Variants in LHX4 observed in about 807,000 individuals in gnomAD.
The protein encoded by LHX4 is LIM homeobox 4.
A neutral mutation model predicts 39.2 loss-of-function variants in LHX4; 16 were observed. That is an observed-to-expected ratio of 0.41 (90% CI 0.28 to 0.62). LHX4 has a LOEUF of 0.62. Among genes scored for constraint, LHX4 ranks in the 20% least tolerant of loss-of-function variants. The pLI is 0.33. For synonymous variants in LHX4, 206 were observed against 198.1 expected, an observed-to-expected ratio of 1.04 and a Z score of -0.33; for missense variants, 439 against 511.9, an observed-to-expected ratio of 0.86 and a Z score of 1.37.
At chr1:180,262,396 G>A (rs571103740) in intron 2 of LHX4, among the ~76,000 whole-genome samples, 4 of 151,510 alleles carry the variant, frequency 2.6e-5, no homozygotes, top group African/African-American at 7.3e-5. Context: ...CCTTTTCCCT[G>A]TCATGCTCAT....
At chr1:180,258,419 G>A (rs395603) in intron 2 of LHX4, among the ~76,000 whole-genome samples, 13,292 of 152,190 alleles carry the variant, frequency 0.087, 2,002 homozygotes, top group African/African-American at 0.3. Flanking sequence ...GGCCGTTAGG[G>A]AGCCTGTGGC....
rs928694238 is a variant in LHX4 at position 180,278,328 on chromosome 1, A to ACAT, written c.*3752_*3754dup. ...GCATGCTGAAAGCTAAATGAAAAGCACATCACTGGCTCTCTTCTTTCTTGG... is the reference window on the plus strand; with the variant it reads ...GCATGCTGAAAGCTAAATGAAAAGCACATCATCACTGGCTCTCTTCTTTCTTGG... On this transcript the variant is annotated 3_prime_UTR_variant, in exon 6 of 6. Coordinates refer to ENST00000263726, the MANE Select transcript of LHX4 (RefSeq NM_033343.4). The ACAT allele has an allele frequency of 2.7e-4, 26 of 96,302 alleles. No homozygotes were observed. The highest frequency in any genetic ancestry group is 9.3e-4 in the African/African-American group (24 of 25,900). 6.0% of individuals were successfully genotyped at this position (96,302 alleles called of 1,614,324 possible). A position where few individuals can be genotyped will look rare whatever the true frequency, so the allele number is the denominator to read the frequency against.
intron 2 of LHX4, among the ~76,000 whole-genome samples, chr1:180,257,767 G>A (rs944191241): frequency 1.3e-5 from 2 of 152,196 alleles, no homozygotes; most frequent in South Asian, 2.1e-4. Context: ...TCCTCAGGAC[G>A]GTGCACCGTT....
chr1:180,250,544 G>C (rs1207413435), intron 2 of LHX4, among the ~76,000 whole-genome samples: 1 of 152,178 alleles, frequency 6.6e-6, no homozygotes, highest in African/African-American at 2.4e-5. Flanking sequence ...TGCCCGTCTC[G>C]GGGCAGGGTA....
At chr1:180,228,869 T>TC (rs983938441), upstream of LHX4, among the ~76,000 whole-genome samples, 2 of 151,942 alleles carry the variant, frequency 1.3e-5, no homozygotes, top group Admixed American at 6.5e-5. Flanking sequence ...GGGCACACAG[T>TC]CCCCCTTCCC....
chr1:180,267,782 C>G lies in LHX4; in HGVS notation c.451+1188C>G, dbSNP rs74132439. ...TTTCTGGGCCCACACACATATTATA[C>G]AGATCTCATCAATAATGGAGAAACT... On this transcript the variant is annotated intron_variant, in intron 3 of 5. Transcript: ENST00000263726. Among the ~76,000 whole-genome samples, 1,279 of 152,278 alleles carry G rather than the reference C, an allele frequency of 8.4e-3. 15 individuals carry two copies. The highest frequency in any genetic ancestry group is 0.029 in the African/African-American group (1,207 of 41,546).
intron 2 of LHX4, among the ~76,000 whole-genome samples, chr1:180,264,176 G>A (rs1648218553): frequency 6.6e-6 from 1 of 152,042 alleles, no homozygotes; most frequent in Admixed American, 6.6e-5. Context: ...ATATTGCCCA[G>A]GCTGGGCTCA....
chr1:180,232,909 A>C lies in LHX4; in HGVS notation c.76+2304A>C, dbSNP rs775376266. Among the ~76,000 whole-genome samples, 1 of 152,176 alleles carries C rather than the reference A, an allele frequency of 6.6e-6. No individual in the cohort carries two copies. The highest frequency in any genetic ancestry group is 2.4e-5 in the African/African-American group (1 of 41,436). On this transcript the variant is annotated intron_variant, in intron 1 of 5. Transcript: ENST00000263726. This position sits in a 1 kb window ranked among gnomAD's most constrained non-coding sequence, Gnocchi z 5.4. ...GCTCTTAAACCCTAGAGGAGGGGAG[A>C]CAAAAGAAACGCTCTCCCACAGGGG...
chr1:180,258,316 A>T (rs1022437302), intron 2 of LHX4, among the ~76,000 whole-genome samples: 2 of 152,198 alleles, frequency 1.3e-5, no homozygotes, highest in African/African-American at 4.8e-5. Flanking sequence ...GCAGGGAAGC[A>T]GTGCCCGGGC....
intron 2 of LHX4, among the ~76,000 whole-genome samples, chr1:180,262,960 T>G (rs1247351422): frequency 3.9e-5 from 6 of 152,244 alleles, no homozygotes; most frequent in African/African-American, 1.2e-4. Context: ...CAGCTCCAGC[T>G]GCTCTCCTGG....
In LHX4 at chr1:180,274,418, TTG is replaced by T; in HGVS notation, c.1013_1014del (p.Leu338TrpfsTer24). ...GCTGGATTACACGGTGGACAGTAAT[TTG>T]GGCATCATTGCGCATGCAGGGCAGG... ...NGLDYTVDSN[L>X]GIIAHAGQGV... On this transcript the variant is annotated frameshift_variant, in exon 6 of 6. Coordinates refer to ENST00000263726, the MANE Select transcript of LHX4 (RefSeq NM_033343.4). LOFTEE classifies it high-confidence loss of function. The T allele has an allele frequency of 6.2e-7, 1 of 1,614,190 alleles. No homozygotes were observed. The highest frequency in any genetic ancestry group is 8.5e-7 in the Non-Finnish European group (1 of 1,180,036).
intron 3 of LHX4, among the ~76,000 whole-genome samples, chr1:180,267,549 G>T (rs1648373534): frequency 6.6e-6 from 1 of 152,188 alleles, no homozygotes; most frequent in Non-Finnish European, 1.5e-5. Flanking sequence ...TGGTCGTGGG[G>T]TCAGGCCCTG....
chr1:180,271,207 G>A (rs1357239170), intron 3 of LHX4, 173 bp from the exon 4 acceptor site: 1 of 721,010 alleles, frequency 1.4e-6, no homozygotes, highest in Non-Finnish European at 2.5e-6. Flanking sequence ...CCGTGGTGCA[G>A]GAGTCAGTGC....
chr1:180,256,484 G>A (rs534615716), intron 2 of LHX4, among the ~76,000 whole-genome samples: 12 of 152,312 alleles, frequency 7.9e-5, no homozygotes, highest in South Asian at 4.1e-4. Flanking sequence ...CAGCCTGGGG[G>A]CCTCTCTCCC....
intron 2 of LHX4, among the ~76,000 whole-genome samples, chr1:180,265,334 T>TCC (rs1225829017): frequency 6.6e-6 from 1 of 152,146 alleles, no homozygotes; most frequent in Non-Finnish European, 1.5e-5. Context: ...TCCCAATGCC[T>TCC]CCCGCCTCCC....
chr1:180,265,869 G>A (rs570256189), intron 2 of LHX4, among the ~76,000 whole-genome samples: 11 of 152,234 alleles, frequency 7.2e-5, no homozygotes, highest in Non-Finnish European at 1.5e-4. Context: ...TTGCTCTGCT[G>A]ACAAAGTGCA....
Position 180,230,598 on chromosome 1 carries a change from G to A in LHX4, c.69G>A (p.Pro23=), listed in dbSNP as rs1442357338. ...GGCTCCCGGAGATGCTAGGTGTGCC[G>A]ATGCAACGTAAGACACCCCCCTTTC... ...VKGLPEMLGV[P]MQQIPQCAGC... Residue 23 remains proline, a synonymous_variant, in exon 1 of 6, where the codon CCG becomes CCA. Transcript: ENST00000263726. The surrounding 1 kb of genome is among the most constrained non-coding windows in gnomAD (Gnocchi z 5.8). 3.1e-6 allele frequency: 5 copies of A among 1,613,116 alleles called. No individual in the cohort carries two copies. The African/African-American group carries it at 4.0e-5, about 13-fold the overall frequency.
intron 1 of LHX4, 29 bp from the exon 2 acceptor site, chr1:180,248,256 A>G (rs1647463110): frequency 1.2e-6 from 2 of 1,611,780 alleles, no homozygotes; most frequent in Admixed American, 3.3e-5. Flanking sequence ...TGGAAGGCTC[A>G]CAGTGCCTCT....
chr1:180,230,226 G>C (rs974154658), upstream of LHX4: 6 of 472,230 alleles, frequency 1.3e-5, no homozygotes, highest in Admixed American at 3.5e-5. The surrounding 1 kb of genome is among the most constrained non-coding windows in gnomAD (Gnocchi z 5.8). Flanking sequence ...GAGGGGGAGG[G>C]GGAAGGAGCG....
Sources: gnomAD v4.1 joint callset for allele counts (sites outside exome capture counted in the v4.1 genomes callset) on GRCh38, gnomAD v4.1.1 for gene constraint, Gnocchi (gnomAD v3.1) non-coding constraint, MANE v1.5 for transcripts, NCBI Gene and HGNC (gene_info 2026-07-23, HGNC 2026-07-21) for gene names.